PDE10A: variants seen among roughly 807,000 people sequenced by gnomAD.
PDE10A encodes the protein phosphodiesterase 10A.
In PDE10A, 39 loss-of-function variants were observed where a neutral mutation model predicts 97.7. The ratio of observed to expected loss-of-function variants is 0.40; its 90% CI spans 0.31 to 0.52. The LOEUF is 0.52. Among genes scored for constraint, PDE10A ranks in the 20% least tolerant of loss-of-function variants. PDE10A has a pLI of 0.56. For synonymous variants in PDE10A, 371 were observed against 376.8 expected (o/e 0.98, Z 0.18); for missense variants, 731 against 1,047.8 (o/e 0.70, Z 4.17).
At chr6:165,572,240 TA>T (rs1219200787) in intron 1 of PDE10A, among the ~76,000 whole-genome samples, 1 of 152,220 alleles carries the variant, frequency 6.6e-6, no homozygotes, top group African/African-American at 2.4e-5. Context: ...CATAAAATTC[TA>T]ATTATCGAAG....
intron 1 of PDE10A, among the ~76,000 whole-genome samples, chr6:165,626,439 T>C (rs1261760659): frequency 6.6e-6 from 1 of 152,182 alleles, no homozygotes; most frequent in African/African-American, 2.4e-5. Context: ...TACAACCATA[T>C]AGAAAATTTT....
At chr6:165,869,404 T>A (rs1231265801) in intron 1 of PDE10A, among the ~76,000 whole-genome samples, 1 of 151,126 alleles carries the variant, frequency 6.6e-6, no homozygotes, top group Non-Finnish European at 1.5e-5. Context: ...GTAAAAGACA[T>A]CTACAATAAA....
intron 1 of PDE10A, among the ~76,000 whole-genome samples, chr6:165,629,473 A>G (rs1168982878): frequency 1.3e-5 from 2 of 151,680 alleles, no homozygotes; most frequent in African/African-American, 4.8e-5. Context: ...TGTTAATTAG[A>G]TATAGTTTAT....
chr6:165,687,824 C>T lies in PDE10A; in HGVS notation c.-614-144256G>A, dbSNP rs138135745. On this transcript the variant is annotated intron_variant, in intron 1 of 19. Transcript: ENST00000366882. Reference sequence around the variant, plus strand: ...CTCTTTGCCAGACATTATTTTAAGCCCTTCCCAAACTTTCGCACATTTAAT... The same window carrying T: ...CTCTTTGCCAGACATTATTTTAAGCTCTTCCCAAACTTTCGCACATTTAAT... Among the ~76,000 whole-genome samples the T allele has an allele frequency of 1.7e-3, 254 of 152,290 alleles. 1 individual carries two copies. The highest frequency in any genetic ancestry group is 2.5e-3 in the Non-Finnish European group (171 of 68,028).
At chr6:165,874,158 T>C (rs1781274081) in intron 1 of PDE10A, among the ~76,000 whole-genome samples, 1 of 152,196 alleles carries the variant, frequency 6.6e-6, no homozygotes, top group South Asian at 2.1e-4. Context: ...ATAAAAATTG[T>C]AGCACTAATT....
chr6:165,539,467 A>AT (rs1463597314), intron 2 of PDE10A, among the ~76,000 whole-genome samples: 1 of 152,210 alleles, frequency 6.6e-6, no homozygotes, highest in Non-Finnish European at 1.5e-5. Flanking sequence ...GACTCTGCTT[A>AT]AACCCACTGC....
Position 165,391,789 on chromosome 6 carries a change from T to C in PDE10A, c.2454+857A>G, listed in dbSNP as rs776058836. 6.6e-5 allele frequency among the ~76,000 whole-genome samples: 10 copies of C among 152,210 alleles called. No individual in the cohort carries two copies. The East Asian group carries it at 1.9e-3, about 29-fold the overall frequency. ...AGATTGTGAATTTGGTCCAATAGGA[T>C]GGAAAAGGATAGGATGGACCTTCAC... On this transcript the variant is annotated intron_variant, in intron 16 of 21. Transcript: ENST00000539869.
intron 1 of PDE10A, among the ~76,000 whole-genome samples, chr6:165,840,676 G>A (rs778930932): frequency 1.3e-5 from 2 of 152,296 alleles, no homozygotes; most frequent in East Asian, 3.9e-4. Context: ...CACAGCACTC[G>A]AAATGGTTAC....
chr6:165,859,284 G>A (rs1452872052), intron 1 of PDE10A, among the ~76,000 whole-genome samples: 1 of 152,158 alleles, frequency 6.6e-6, no homozygotes, highest in Non-Finnish European at 1.5e-5. Flanking sequence ...GTGATTGGAG[G>A]CTTTTTTCAA....
intron 1 of PDE10A, among the ~76,000 whole-genome samples, chr6:165,814,101 A>C (rs1216985235): frequency 2.0e-5 from 3 of 152,246 alleles, no homozygotes; most frequent in African/African-American, 2.4e-5. Context: ...GTTATGAAAT[A>C]CACGGTATAT....
In PDE10A at chr6:165,605,025, C is replaced by T. The variant is rs367805915; in HGVS notation, c.865+56922G>A. On this transcript the variant is annotated intron_variant, in intron 1 of 21. Coordinates refer to ENST00000539869, the MANE Select transcript of PDE10A (RefSeq NM_001385079.1). ...CCACATTAGAAGTGTGGTAGCTCTC[C>T]TGAACCCCCTTCTTTGCCTCACTCT... is the stretch of plus-strand genomic sequence containing the variant. 2.6e-4 allele frequency among the ~76,000 whole-genome samples: 39 copies of T among 152,312 alleles called. 1 individual carries two copies. Among genetic ancestry groups the T allele is most frequent in the African/African-American group, 8.7e-4 (36 of 41,572 alleles).
At chr6:165,829,697 C>G (rs184442657) in intron 1 of PDE10A, among the ~76,000 whole-genome samples, 3 of 152,358 alleles carry the variant, frequency 2.0e-5, no homozygotes, top group Admixed American at 2.0e-4. Flanking sequence ...AGATCCTACT[C>G]TCAAGTTTCC....
chr6:165,820,435 A>T (rs1034324493), intron 1 of PDE10A, among the ~76,000 whole-genome samples: 46 of 152,354 alleles, frequency 3.0e-4, no homozygotes, highest in African/African-American at 1.0e-3. Context: ...TCTGAGTCCT[A>T]TATTTTGATT....
At chr6:165,823,502 A>ATT (rs1210884860) in intron 1 of PDE10A, among the ~76,000 whole-genome samples, 1 of 95,504 alleles carries the variant, frequency 1.0e-5, no homozygotes, top group Non-Finnish European at 2.4e-5. Context: ...ATATATATAT[A>ATT]TATATATATA....
intron 1 of PDE10A, among the ~76,000 whole-genome samples, chr6:165,975,446 A>AT (rs549114549): frequency 2.0e-5 from 3 of 151,850 alleles, no homozygotes; most frequent in Non-Finnish European, 4.4e-5. Context: ...CTCTATTAAA[A>AT]TTTTTTTTTA....
At chr6:165,509,984 T>C (rs1781420114) in intron 2 of PDE10A, among the ~76,000 whole-genome samples, 1 of 152,058 alleles carries the variant, frequency 6.6e-6, no homozygotes, top group African/African-American at 2.4e-5. Context: ...CGGTGTCTTT[T>C]GGTTTTTCTA....
chr6:165,748,896 C>A (rs1792903527), intron 1 of PDE10A, among the ~76,000 whole-genome samples: 1 of 151,960 alleles, frequency 6.6e-6, no homozygotes, highest in African/African-American at 2.4e-5. Flanking sequence ...ACCTGTGGGA[C>A]CATCTGGAGA....
chr6:165,597,693 T>C (rs1786684538), intron 1 of PDE10A, among the ~76,000 whole-genome samples: 1 of 152,204 alleles, frequency 6.6e-6, no homozygotes, highest in Non-Finnish European at 1.5e-5. Context: ...CATGTTCCAG[T>C]TAGTTCTTTT....
chr6:165,678,038 T>G (rs993675732), intron 1 of PDE10A, among the ~76,000 whole-genome samples: 1 of 151,324 alleles, frequency 6.6e-6, no homozygotes, highest in Non-Finnish European at 1.5e-5. Context: ...TTTGTGTGGG[T>G]GTTTGTATAT....
Sources: allele counts gnomAD v4.1 joint callset (sites outside exome capture counted in the v4.1 genomes callset), GRCh38; gene constraint gnomAD v4.1.1; transcripts MANE v1.5; gene names NCBI Gene and HGNC (gene_info 2026-07-23, HGNC 2026-07-21).